The following XRCC5 variants were observed in gnomAD, a reference collection of about 807,000 sequenced individuals.
XRCC5 encodes the protein X-ray repair cross complementing 5, also known as DNA repair protein Ku80.
A neutral mutation model predicts 95.7 loss-of-function variants in XRCC5; 12 were observed. The observed-to-expected ratio is 0.13, with a 90% CI of 0.08 to 0.20. The LOEUF (loss-of-function observed/expected upper bound fraction) is 0.20. XRCC5 is among the 10% of genes least tolerant of loss of function. The pLI is 1.00. For missense variants in XRCC5, 595 were observed against 873.9 expected, an observed-to-expected ratio of 0.68 and a Z score of 4.02; for synonymous variants, 281 against 290.3, an observed-to-expected ratio of 0.97 and a Z score of 0.33.
In XRCC5 at chr2:216,137,207, T is replaced by A; in HGVS notation, c.1233T>A (p.His411Gln). The change falls in exon 11 of 21, where the codon CAT (histidine) becomes CAA (glutamine). Residue 411 changes from histidine (H) to glutamine (Q), a missense_variant. This residue lies in a region of XRCC5 where 309 missense variants were observed against 382.9 expected (regional missense o/e 0.81). Transcript: ENST00000392132. The stretch of plus-strand genomic sequence containing the variant: ...CTCAAGTCGGCGTGGCTTTTCCTCA[T>A]ATCAAGCATAACTATGAGGTAAAAC... ...ANPQVGVAFPHIKHNYECLVY... is the reference protein window; with the variant it reads ...ANPQVGVAFPQIKHNYECLVY... 1.9e-6 allele frequency: 3 copies of A among 1,613,526 alleles called. No individual in the cohort carries two copies. Among genetic ancestry groups the A allele is most frequent in the Non-Finnish European group, 1.7e-6 (2 of 1,179,650 alleles).
At chr2:216,156,592 C>T (rs908290077) in intron 14 of XRCC5, 7 of 579,516 alleles carry the variant, frequency 1.2e-5, no homozygotes, top group South Asian at 9.8e-5. Context: ...GAACTTGTGC[C>T]AGTAGAAGAC....
At chr2:216,192,602 G>T in intron 17 of XRCC5, 37 bp from the exon 18 acceptor site, 2 of 1,496,762 alleles carry the variant, frequency 1.3e-6, no homozygotes, top group South Asian at 2.6e-5. Flanking sequence ...TGTTTGCTCT[G>T]ACTTGCTGCC....
intron 19 of XRCC5, chr2:216,204,086 G>A (rs1443842749): frequency 3.9e-6 from 2 of 517,818 alleles, no homozygotes; most frequent in East Asian, 6.8e-5. Flanking sequence ...CTCCCTCTTC[G>A]TGAGCACTTT....
intron 16 of XRCC5, among the ~76,000 whole-genome samples, chr2:216,167,206 A>AT (rs1263306917): frequency 1.3e-5 from 2 of 152,174 alleles, no homozygotes; most frequent in South Asian, 2.1e-4. Flanking sequence ...TGATCACTTC[A>AT]TTTTTTTCCC....
chr2:216,132,360 A>G lies in XRCC5; in HGVS notation c.1086A>G (p.Leu362=). 1.2e-6 allele frequency: 2 copies of G among 1,614,046 alleles called. No homozygotes were observed. The highest frequency in any genetic ancestry group is 1.7e-6 in the Non-Finnish European group (2 of 1,179,908). ...QRRFFMGNQV[L]KVFAARDDEA... ...GATTCTTCATGGGAAATCAAGTTCT[A>G]AAGGTCTTTGCAGCAAGAGATGATG... Residue 362 remains leucine, a synonymous_variant, in exon 10 of 21, where the codon CTA becomes CTG. Coordinates refer to ENST00000392132, the MANE Select transcript of XRCC5 (RefSeq NM_021141.4).
At chr2:216,111,407 C>T (rs1696589052) in intron 1 of XRCC5, 3 of 449,478 alleles carry the variant, frequency 6.7e-6, no homozygotes, top group South Asian at 1.6e-5. Context: ...AACTGTGGTC[C>T]CAGCTATTTG....
intron 16 of XRCC5, among the ~76,000 whole-genome samples, chr2:216,186,674 T>A (rs1689497911): frequency 6.6e-6 from 1 of 152,240 alleles, no homozygotes; most frequent in Non-Finnish European, 1.5e-5. Flanking sequence ...TTTTAGCTAC[T>A]AATGAGTATT....
chr2:216,160,663 CTTAATTAATTAA>C (rs34464036), intron 15 of XRCC5, among the ~76,000 whole-genome samples: 2 of 150,416 alleles, frequency 1.3e-5, no homozygotes, highest in Admixed American at 1.3e-4. Context: ...AAAATACTAC[CTTAATTAATTAA>C]TTAATTAATT....
At chr2:216,203,748 C>T (rs1157936834) in intron 19 of XRCC5, among the ~76,000 whole-genome samples, 1 of 152,114 alleles carries the variant, frequency 6.6e-6, no homozygotes, top group Non-Finnish European at 1.5e-5. Flanking sequence ...AATCAAACAA[C>T]CTTCCAAGCT....
intron 5 of XRCC5, among the ~76,000 whole-genome samples, chr2:216,120,821 C>T (rs1415339677): frequency 6.6e-6 from 1 of 152,160 alleles, no homozygotes; most frequent in Non-Finnish European, 1.5e-5. Context: ...CTGCAACCTC[C>T]GCCTCCCAGG....
chr2:216,187,625 A>G (rs561176835), intron 16 of XRCC5, among the ~76,000 whole-genome samples: 2 of 151,650 alleles, frequency 1.3e-5, no homozygotes, highest in East Asian at 3.9e-4. Flanking sequence ...TAGTTGTTTC[A>G]TGGGCTCCCA....
intron 19 of XRCC5, 22 bp from the exon 20 acceptor site, chr2:216,204,300 A>G (rs1370423001): frequency 6.2e-7 from 1 of 1,613,518 alleles, no homozygotes; most frequent in Non-Finnish European, 8.5e-7. Flanking sequence ...TTTTGGTATG[A>G]TAACTGACTT....
At chr2:216,111,146 G>A (rs1026836334) in intron 1 of XRCC5, among the ~76,000 whole-genome samples, 13 of 152,054 alleles carry the variant, frequency 8.5e-5, no homozygotes, top group African/African-American at 2.2e-4. Context: ...GTATGGAGTC[G>A]CATCAGTCTC....
intron 4 of XRCC5, 31 bp from the exon 5 acceptor site, chr2:216,119,009 AATG>A: frequency 6.2e-7 from 1 of 1,605,146 alleles, no homozygotes. Flanking sequence ...AATTCAGGAG[AATG>A]ATTTCTTAAT....
intron 11 of XRCC5, 58 bp downstream of exon 11, chr2:216,137,283 G>A: frequency 6.5e-7 from 1 of 1,543,378 alleles, no homozygotes; most frequent in Non-Finnish European, 8.8e-7. Context: ...TCTAAGCAGT[G>A]TTTCTCAGCT....
Position 216,109,566 on chromosome 2 carries a change from G to A in XRCC5, c.21+109G>A, listed in dbSNP as rs41296892. 21,893 of 1,500,420 alleles carry A rather than the reference G, an allele frequency of 0.015. 2,296 individuals carry two copies. In the African/African-American group the frequency reaches 0.25, roughly 17 times the overall value. The allele number at this position is 1,500,420 out of a possible 1,614,324, so 92.9% of individuals were successfully genotyped here. A position where few individuals can be genotyped will look rare whatever the true frequency, so the allele number is the denominator to read the frequency against. Reference sequence around the variant, plus strand: ...GGTCAAGACAAAGAATGGGGCAAGAGAAGATCATGGTGGTGGGCTCAGTCA... The same window carrying A: ...GGTCAAGACAAAGAATGGGGCAAGAAAAGATCATGGTGGTGGGCTCAGTCA... On this transcript the variant is annotated intron_variant, in intron 1 of 20. Transcript: ENST00000392132.
Position 216,177,092 on chromosome 2 carries a change from C to T in XRCC5, c.1835-13133C>T, listed in dbSNP as rs1689290683. Among the ~76,000 whole-genome samples the T allele has an allele frequency of 2.6e-5, 4 of 152,134 alleles. No individual in the cohort carries two copies. In the South Asian group the frequency reaches 8.3e-4, roughly 31 times the overall value. ...TTCAGTCCGTCTGAATTTATTCAGA[C>T]TTGTTCTTATGTGGTCTCACATATA... On this transcript the variant is annotated intron_variant, in intron 16 of 20. Transcript: ENST00000392132.
chr2:216,131,953 C>T (rs1054089137), intron 9 of XRCC5, among the ~76,000 whole-genome samples: 1 of 152,162 alleles, frequency 6.6e-6, no homozygotes, highest in South Asian at 2.1e-4. Flanking sequence ...TAGGTGTCAC[C>T]GTTTGCAGAA....
intron 16 of XRCC5, among the ~76,000 whole-genome samples, chr2:216,179,534 AG>A (rs1689343075): frequency 6.6e-6 from 1 of 152,178 alleles, no homozygotes; most frequent in Non-Finnish European, 1.5e-5. Context: ...AATTTTATGT[AG>A]AGGATCAGGG....
Sources: gnomAD v4.1 joint callset for allele counts (sites outside exome capture counted in the v4.1 genomes callset) on GRCh38, gnomAD v4.1.1 for gene constraint, gnomAD v4.1.1 regional missense constraint, MANE v1.5 for transcripts, NCBI Gene and HGNC (gene_info 2026-07-23, HGNC 2026-07-21) for gene names.